The following GMDS variants were observed in gnomAD, a reference collection of about 807,000 sequenced individuals.
GMDS encodes the protein GDP-mannose 4,6-dehydratase.
In GMDS, 20 loss-of-function variants were observed where a neutral mutation model predicts 49.9. The observed-to-expected ratio is 0.40, with a 90% CI of 0.28 to 0.58. The LOEUF is 0.58. Among genes scored for constraint, GMDS ranks in the 20% least tolerant of loss-of-function variants. GMDS has a pLI of 0.42. For synonymous variants in GMDS, 177 were observed against 178.6 expected, an observed-to-expected ratio of 0.99 and a Z score of 0.07; for missense variants, 362 against 481.4, an observed-to-expected ratio of 0.75 and a Z score of 2.32.
intron 6 of GMDS, among the ~76,000 whole-genome samples, chr6:1,939,608 TAC>T: frequency 7.1e-6 from 1 of 140,892 alleles, no homozygotes; most frequent in Non-Finnish European, 1.6e-5. Context: ...CATATACACA[TAC>T]ACACACACAG....
intron 4 of GMDS, among the ~76,000 whole-genome samples, chr6:2,074,600 G>C (rs150036571): frequency 1.3e-5 from 2 of 152,230 alleles, no homozygotes; most frequent in Non-Finnish European, 1.5e-5. Flanking sequence ...ACATCCTTAA[G>C]TGTTTTCCCT....
At chr6:2,105,056 C>CCTGTAGT (rs1774153546) in intron 4 of GMDS, among the ~76,000 whole-genome samples, 1 of 151,914 alleles carries the variant, frequency 6.6e-6, no homozygotes, top group South Asian at 2.1e-4. Context: ...GTGGCAGGCA[C>CCTGTAGT]CTGTAGTCCC....
At chr6:1,959,575 CT>C (rs2127295106) in intron 6 of GMDS, 1 of 211,236 alleles carries the variant, frequency 4.7e-6, no homozygotes, top group Non-Finnish European at 9.3e-6. Flanking sequence ...CATATAGTAG[CT>C]TCCTAATACT....
At chr6:1,624,418 G>T in intron 10 of GMDS, 54 bp downstream of exon 10, 1 of 1,507,422 alleles carries the variant, frequency 6.6e-7, no homozygotes, top group Non-Finnish European at 9.2e-7. Flanking sequence ...GAGAGCTGCC[G>T]CCCTGCAGCC....
At chr6:1,747,848 A>G (rs948983510) in intron 7 of GMDS, among the ~76,000 whole-genome samples, 5 of 152,198 alleles carry the variant, frequency 3.3e-5, no homozygotes, top group Admixed American at 3.3e-4. Flanking sequence ...CCTTATGGCT[A>G]TGTCTATTTT....
intron 7 of GMDS, among the ~76,000 whole-genome samples, chr6:1,907,521 A>G (rs1239417716): frequency 6.6e-6 from 1 of 152,196 alleles, no homozygotes; most frequent in Admixed American, 6.5e-5. Flanking sequence ...CAGGACAGGA[A>G]CCCTTCTAGA....
At chr6:2,203,476 T>C (rs1292271732) in intron 1 of GMDS, among the ~76,000 whole-genome samples, 2 of 151,690 alleles carry the variant, frequency 1.3e-5, no homozygotes, top group African/African-American at 4.8e-5. Context: ...GTTCCTGTTA[T>C]TGACTTATTC....
intron 4 of GMDS, among the ~76,000 whole-genome samples, chr6:2,001,324 C>T (rs1444481126): frequency 6.6e-6 from 1 of 152,158 alleles, no homozygotes; most frequent in Admixed American, 6.5e-5. Flanking sequence ...CCTTTGCCCA[C>T]TTTTTAATTG....
chr6:2,009,687 G>C (rs1379383916), intron 4 of GMDS, among the ~76,000 whole-genome samples: 1 of 152,108 alleles, frequency 6.6e-6, no homozygotes, highest in Non-Finnish European at 1.5e-5. Context: ...GAACAAAGGA[G>C]ATGAAAACTG....
intron 7 of GMDS, among the ~76,000 whole-genome samples, chr6:1,777,833 A>G (rs911492169): frequency 7.2e-5 from 11 of 152,212 alleles, no homozygotes; most frequent in Non-Finnish European, 1.5e-4. Context: ...TGAATAACGA[A>G]CCAGGGAATT....
At chr6:2,157,110 C>T (rs1777150548) in intron 1 of GMDS, among the ~76,000 whole-genome samples, 1 of 152,232 alleles carries the variant, frequency 6.6e-6, no homozygotes, top group Non-Finnish European at 1.5e-5. Flanking sequence ...AACTGTAGCA[C>T]AGCACAGATC....
At chr6:1,944,267 G>C (rs1762953452) in intron 6 of GMDS, among the ~76,000 whole-genome samples, 2 of 152,286 alleles carry the variant, frequency 1.3e-5, no homozygotes, top group South Asian at 4.1e-4. Context: ...AGCACCTTGG[G>C]AGGCCGAGGC....
chr6:2,152,618 T>C lies in GMDS; in HGVS notation c.103-27887A>G, dbSNP rs895859746. 5.3e-5 allele frequency among the ~76,000 whole-genome samples: 8 copies of C among 152,252 alleles called. 1 individual carries two copies. The Middle Eastern group carries it at 0.021, about 391-fold the overall frequency. Reference sequence around the variant, plus strand: ...TATAAACAGAAAATATTTTTAAATATTGGAAGAAAATTCTTGCTCCTGGAT... The same window carrying C: ...TATAAACAGAAAATATTTTTAAATACTGGAAGAAAATTCTTGCTCCTGGAT... On this transcript the variant is annotated intron_variant, in intron 1 of 10. Coordinates refer to ENST00000380815, the MANE Select transcript of GMDS (RefSeq NM_001500.4).
intron 4 of GMDS, among the ~76,000 whole-genome samples, chr6:2,084,506 CTTTTTT>C (rs916770951): frequency 6.6e-6 from 1 of 151,112 alleles, no homozygotes. Flanking sequence ...AAATAAAACT[CTTTTTT>C]TTTCTTTTTT....
chr6:1,805,378 A>C (rs1050801661), intron 7 of GMDS, among the ~76,000 whole-genome samples: 6 of 152,190 alleles, frequency 3.9e-5, no homozygotes, highest in African/African-American at 1.4e-4. Flanking sequence ...GCCACTGTAC[A>C]GAGTTATATG....
At chr6:1,948,891 G>A (rs532993888) in intron 6 of GMDS, among the ~76,000 whole-genome samples, 7 of 152,084 alleles carry the variant, frequency 4.6e-5, no homozygotes, top group South Asian at 4.2e-4. Context: ...CGGGTGTCTC[G>A]CCGAACTACT....
At chr6:1,742,066 C>T (rs149134642) in intron 8 of GMDS, among the ~76,000 whole-genome samples, 3,909 of 151,232 alleles carry the variant, frequency 0.026, 176 homozygotes, top group African/African-American at 0.09. Context: ...GGATAACAGG[C>T]GCGCACCACC....
At chr6:2,103,671 T>C (rs1435234564) in intron 4 of GMDS, among the ~76,000 whole-genome samples, 1 of 152,200 alleles carries the variant, frequency 6.6e-6, no homozygotes, top group Non-Finnish European at 1.5e-5. Flanking sequence ...ATGATTCTAC[T>C]TCATTAGATC....
At chr6:2,140,196 C>T (rs758020039) in intron 1 of GMDS, among the ~76,000 whole-genome samples, 1 of 152,082 alleles carries the variant, frequency 6.6e-6, no homozygotes, top group Non-Finnish European at 1.5e-5. Flanking sequence ...TGGGTGAACT[C>T]TGAGCATAAT....
Sources: gnomAD v4.1 joint callset for allele counts (sites outside exome capture counted in the v4.1 genomes callset) on GRCh38, gnomAD v4.1.1 for gene constraint, MANE v1.5 for transcripts, NCBI Gene and HGNC (gene_info 2026-07-23, HGNC 2026-07-21) for gene names.